DGKB: variants seen among roughly 807,000 people sequenced by gnomAD.
DGKB encodes the protein 90 kDa diacylglycerol kinase.
DGKB carries 67 observed loss-of-function variants against 114.3 expected under a neutral mutation model. The ratio of observed to expected loss-of-function variants is 0.59; its 90% CI spans 0.48 to 0.72. The LOEUF (loss-of-function observed/expected upper bound fraction) is 0.72. Among genes scored for constraint, DGKB ranks in the 30% least tolerant of loss-of-function variants. DGKB has a pLI of 0.00. For synonymous variants in DGKB, 398 were observed against 323.1 expected, an observed-to-expected ratio of 1.23 and a Z score of -2.49; for missense variants, 907 against 975.2, an observed-to-expected ratio of 0.93 and a Z score of 0.93.
chr7:14,377,625 A>AGTTTGTT (rs1320276783), intron 21 of DGKB, among the ~76,000 whole-genome samples: 1 of 152,216 alleles, frequency 6.6e-6, no homozygotes, highest in Admixed American at 6.5e-5. Context: ...TAACAAACGC[A>AGTTTGTT]GCCAAAAAGG....
chr7:14,237,345 T>C (rs181199990), intron 23 of DGKB, among the ~76,000 whole-genome samples: 10 of 152,034 alleles, frequency 6.6e-5, no homozygotes, highest in Admixed American at 6.6e-4. Context: ...TTTCTCCCTC[T>C]TTCCTTCCTT....
At chr7:14,281,662 T>A (rs1174106088) in intron 23 of DGKB, among the ~76,000 whole-genome samples, 7 of 150,794 alleles carry the variant, frequency 4.6e-5, no homozygotes, top group Non-Finnish European at 1.0e-4. Flanking sequence ...ACAAACTATC[T>A]CTCAGACCAC....
chr7:14,149,646 C>T (rs1401786652), intron 25 of DGKB, among the ~76,000 whole-genome samples: 1 of 152,070 alleles, frequency 6.6e-6, no homozygotes, highest in Non-Finnish European at 1.5e-5. Flanking sequence ...CTAGTTACAG[C>T]CCAATATCAA....
intron 21 of DGKB, among the ~76,000 whole-genome samples, chr7:14,406,903 G>C: frequency 6.6e-6 from 1 of 152,056 alleles, no homozygotes; most frequent in East Asian, 1.9e-4. Context: ...TTTCAGAGAA[G>C]ACATAGAAAT....
At chr7:14,552,896 ATG>A (rs1052841877) in intron 20 of DGKB, among the ~76,000 whole-genome samples, 1 of 152,228 alleles carries the variant, frequency 6.6e-6, no homozygotes, top group Non-Finnish European at 1.5e-5. Context: ...CAGCGTTGTT[ATG>A]GACCGGGAAA....
At chr7:14,389,154 G>T (rs1820907734) in intron 21 of DGKB, among the ~76,000 whole-genome samples, 1 of 152,158 alleles carries the variant, frequency 6.6e-6, no homozygotes, top group Non-Finnish European at 1.5e-5. Flanking sequence ...TTCGGATGAG[G>T]CCTCTTTTGT....
At chr7:14,954,386 A>G (rs1786382495) in intron 1 of DGKB, among the ~76,000 whole-genome samples, 1 of 152,102 alleles carries the variant, frequency 6.6e-6, no homozygotes, top group Admixed American at 6.6e-5. Flanking sequence ...AAGACTTTAA[A>G]AAGAAAAAAA....
At chr7:14,371,652 T>G (rs1337175517) in intron 21 of DGKB, among the ~76,000 whole-genome samples, 1 of 152,154 alleles carries the variant, frequency 6.6e-6, no homozygotes, top group Non-Finnish European at 1.5e-5. Context: ...ATAGTTTCTT[T>G]TGCTAGGCAG....
chr7:14,854,611 C>A (rs951043215), intron 1 of DGKB, among the ~76,000 whole-genome samples: 2 of 152,156 alleles, frequency 1.3e-5, no homozygotes, highest in African/African-American at 4.8e-5. Flanking sequence ...GGCTGCTGAT[C>A]TAACAGGAGG....
chr7:14,657,224 C>T (rs377178144), intron 13 of DGKB, among the ~76,000 whole-genome samples: 28 of 151,862 alleles, frequency 1.8e-4, no homozygotes, highest in African/African-American at 6.0e-4. Flanking sequence ...CACCCTAGTT[C>T]TTAATGTGTT....
At chr7:14,193,978 A>G (rs1784678412) in intron 23 of DGKB, among the ~76,000 whole-genome samples, 1 of 152,204 alleles carries the variant, frequency 6.6e-6, no homozygotes. Context: ...AAGGAAATGT[A>G]AATGAAAACC....
chr7:14,707,099 A>G (rs1176483413), intron 6 of DGKB, among the ~76,000 whole-genome samples: 5 of 143,490 alleles, frequency 3.5e-5, no homozygotes, highest in South Asian at 2.4e-4. Context: ...AAGAGAGAAG[A>G]ATCAAATAGA....
At chr7:14,800,964 G>A (rs1418298887) in intron 2 of DGKB, among the ~76,000 whole-genome samples, 1 of 152,056 alleles carries the variant, frequency 6.6e-6, no homozygotes, top group Non-Finnish European at 1.5e-5. Flanking sequence ...ATGAGTAGCA[G>A]AAGAAGGTAG....
At chr7:14,202,390 T>A (rs902881832) in intron 23 of DGKB, among the ~76,000 whole-genome samples, 20 of 152,002 alleles carry the variant, frequency 1.3e-4, no homozygotes, top group African/African-American at 4.8e-4. Context: ...TGCCTTTAGG[T>A]ATCTGTCATT....
chr7:14,550,094 A>C (rs1794895343), intron 20 of DGKB, among the ~76,000 whole-genome samples: 1 of 152,152 alleles, frequency 6.6e-6, no homozygotes. Flanking sequence ...TGTCATTTAA[A>C]ATTCTAGTTT....
At chr7:14,934,972 T>C (rs567620309) in intron 1 of DGKB, among the ~76,000 whole-genome samples, 15 of 152,314 alleles carry the variant, frequency 9.8e-5, no homozygotes, top group Admixed American at 2.0e-4. Flanking sequence ...AGGCTCCTGG[T>C]TCTGAAAGCA....
chr7:14,777,158 T>C (rs1159641083), intron 2 of DGKB, among the ~76,000 whole-genome samples: 3 of 152,192 alleles, frequency 2.0e-5, no homozygotes, highest in African/African-American at 7.2e-5. Flanking sequence ...TTTTACCCAA[T>C]GCCTGTACCC....
intron 21 of DGKB, among the ~76,000 whole-genome samples, chr7:14,466,196 A>G (rs1312586323): frequency 6.6e-6 from 1 of 152,114 alleles, no homozygotes; most frequent in South Asian, 2.1e-4. Context: ...AAATACGAAC[A>G]AGCGCTCATT....
intron 13 of DGKB, among the ~76,000 whole-genome samples, chr7:14,658,802 G>T (rs1214306534): frequency 2.0e-5 from 3 of 151,810 alleles, no homozygotes; most frequent in East Asian, 3.9e-4. Flanking sequence ...TAATACTAAA[G>T]AATATTTTTT....
Sources: allele counts gnomAD v4.1 joint callset (sites outside exome capture counted in the v4.1 genomes callset), GRCh38; gene constraint gnomAD v4.1.1; transcripts MANE v1.5; gene names NCBI Gene and HGNC (gene_info 2026-07-23, HGNC 2026-07-21).